The following GHR variants were observed in gnomAD, a reference collection of about 807,000 sequenced individuals.
The protein encoded by GHR is GH receptor.
GHR carries 35 observed loss-of-function variants against 67.1 expected under a neutral mutation model. The ratio of observed to expected loss-of-function variants is 0.52; its 90% CI spans 0.40 to 0.69. The LOEUF is 0.69. GHR is among the 30% of genes least tolerant of loss of function. GHR has a pLI of 0.00. For synonymous variants in GHR, 272 were observed against 269.1 expected (o/e 1.01, Z -0.10); for missense variants, 792 against 764.6 (o/e 1.04, Z -0.42).
rs141519425 is a variant in GHR at position 42,688,592 on chromosome 5, T to C, written c.137-298T>C. On this transcript the variant is annotated intron_variant, in intron 3 of 9. Coordinates refer to ENST00000230882, the MANE Select transcript of GHR (RefSeq NM_000163.5). ...TCCAGAAGTCATCTTCCAGATGAAC[T>C]ACCTATATCCAAATCCTAATCTCTA... Among the ~76,000 whole-genome samples the C allele has an allele frequency of 3.1e-3, 465 of 151,896 alleles. 4 individuals carry two copies. Among genetic ancestry groups the C allele is most frequent in the Middle Eastern group, 3.4e-3 (1 of 294 alleles).
chr5:42,535,011 T>G (rs1748194787), intron 1 of GHR, among the ~76,000 whole-genome samples: 1 of 152,050 alleles, frequency 6.6e-6, no homozygotes, highest in Non-Finnish European at 1.5e-5. Flanking sequence ...CTTGTTTTTT[T>G]ATTTTCTTAT....
At chr5:42,604,038 T>C (rs1351065262) in intron 2 of GHR, among the ~76,000 whole-genome samples, 1 of 152,192 alleles carries the variant, frequency 6.6e-6, no homozygotes, top group Non-Finnish European at 1.5e-5. Flanking sequence ...GAGTTTATTA[T>C]AAAGGATATT....
At chr5:42,519,965 G>A (rs1287876443) in intron 1 of GHR, among the ~76,000 whole-genome samples, 1 of 152,204 alleles carries the variant, frequency 6.6e-6, no homozygotes, top group Non-Finnish European at 1.5e-5. Flanking sequence ...GTATCACTGA[G>A]TCTCTACTTT....
chr5:42,710,989 T>C (rs189937758), intron 6 of GHR, among the ~76,000 whole-genome samples: 1 of 152,292 alleles, frequency 6.6e-6, no homozygotes, highest in East Asian at 1.9e-4. Flanking sequence ...ATCATATCTT[T>C]GGGTTTATGC....
At chr5:42,713,286 C>G in intron 7 of GHR, 143 bp from the exon 8 acceptor site, 2 of 617,038 alleles carry the variant, frequency 3.2e-6, no homozygotes, top group Non-Finnish European at 5.9e-6. Context: ...TCGTTGCATT[C>G]TGTTTCAGTG....
intron 1 of GHR, among the ~76,000 whole-genome samples, chr5:42,435,456 A>G (rs538429957): frequency 2.0e-5 from 3 of 152,346 alleles, no homozygotes; most frequent in African/African-American, 7.2e-5. Context: ...GAGAGAGCCT[A>G]CTTAGGTGAG....
chr5:42,640,245 G>C (rs1192121944), intron 3 of GHR, among the ~76,000 whole-genome samples: 1 of 152,116 alleles, frequency 6.6e-6, no homozygotes, highest in East Asian at 1.9e-4. Context: ...GGGGTTTGGG[G>C]AGCTGGGAAC....
At chr5:42,572,058 C>T (rs1430458040) in intron 2 of GHR, among the ~76,000 whole-genome samples, 4 of 152,170 alleles carry the variant, frequency 2.6e-5, no homozygotes, top group African/African-American at 9.7e-5. Flanking sequence ...GCAGCTTTTC[C>T]CAAGGAAAAC....
intron 1 of GHR, among the ~76,000 whole-genome samples, chr5:42,443,511 A>G (rs1452627553): frequency 6.6e-6 from 1 of 152,182 alleles, no homozygotes; most frequent in Non-Finnish European, 1.5e-5. Context: ...TTTTTAGAGA[A>G]GATGATCACA....
At position 42,464,966 on chromosome 5, in the gene GHR, A is replaced by G. The variant is rs1220250199; in HGVS notation, c.-12+41011A>G. ...ATTTTGGGGCAAATCATGAAGAAATAAAAAAGGAAGAGATTCTCTTTTGAG... is the reference window on the plus strand; with the variant it reads ...ATTTTGGGGCAAATCATGAAGAAATGAAAAAGGAAGAGATTCTCTTTTGAG... On this transcript the variant is annotated intron_variant, in intron 1 of 9. Transcript: ENST00000230882. Among the ~76,000 whole-genome samples, 3 of 152,200 alleles carry G rather than the reference A, an allele frequency of 2.0e-5. No homozygotes were observed. The East Asian group carries it at 5.8e-4, about 29-fold the overall frequency.
At chr5:42,654,158 C>G (rs951159843) in intron 3 of GHR, among the ~76,000 whole-genome samples, 13 of 152,212 alleles carry the variant, frequency 8.5e-5, no homozygotes, top group African/African-American at 3.1e-4. Context: ...TTTCAGAATG[C>G]ACATTCAAAT....
intron 2 of GHR, among the ~76,000 whole-genome samples, chr5:42,587,680 T>G (rs527844739): frequency 6.6e-6 from 1 of 152,190 alleles, no homozygotes; most frequent in East Asian, 1.9e-4. Flanking sequence ...TTGTTTTTTT[T>G]TTGTTTTTTT....
At chr5:42,554,352 A>T (rs944139691) in intron 1 of GHR, among the ~76,000 whole-genome samples, 6 of 152,186 alleles carry the variant, frequency 3.9e-5, no homozygotes, top group Non-Finnish European at 8.8e-5. Flanking sequence ...AAAAAAAAAA[A>T]AATTTGATGC....
chr5:42,519,054 G>A (rs1747363579), intron 1 of GHR, among the ~76,000 whole-genome samples: 1 of 152,182 alleles, frequency 6.6e-6, no homozygotes, highest in African/African-American at 2.4e-5. Flanking sequence ...TGGGATGAAA[G>A]CAAGACCTCA....
chr5:42,558,765 G>A (rs560290600), intron 1 of GHR, among the ~76,000 whole-genome samples: 1 of 152,142 alleles, frequency 6.6e-6, no homozygotes, highest in Non-Finnish European at 1.5e-5. Context: ...CAGAACCATG[G>A]AATTGCCTAA....
At chr5:42,713,708 C>A (rs1758584054) in intron 8 of GHR, among the ~76,000 whole-genome samples, 189 bp downstream of exon 8, 1 of 152,094 alleles carries the variant, frequency 6.6e-6, no homozygotes, top group African/African-American at 2.4e-5. Context: ...TTATCTTAGA[C>A]AATTTAGAGG....
At chr5:42,453,672 G>A (rs1184325673) in intron 1 of GHR, among the ~76,000 whole-genome samples, 1 of 152,184 alleles carries the variant, frequency 6.6e-6, no homozygotes, top group Non-Finnish European at 1.5e-5. Context: ...TGCCTCTCAT[G>A]CAGGCCTGAA....
intron 1 of GHR, among the ~76,000 whole-genome samples, chr5:42,425,383 A>T (rs909406607): frequency 6.6e-6 from 1 of 152,142 alleles, no homozygotes; most frequent in African/African-American, 2.4e-5. Context: ...GACATGGGAT[A>T]TTGTGGCAGG....
At chr5:42,463,992 C>CAAAAAAA (rs70991406) in intron 1 of GHR, among the ~76,000 whole-genome samples, 23 of 46,478 alleles carry the variant, frequency 4.9e-4, no homozygotes, top group East Asian at 1.5e-3. Flanking sequence ...GACTCCGTCT[C>CAAAAAAA]AAAAAAAAAA....
Sources: gnomAD v4.1 joint callset for allele counts (sites outside exome capture counted in the v4.1 genomes callset) on GRCh38, gnomAD v4.1.1 for gene constraint, MANE v1.5 for transcripts, NCBI Gene and HGNC (gene_info 2026-07-23, HGNC 2026-07-21) for gene names.